OXCT1: variants seen among roughly 807,000 people sequenced by gnomAD.
OXCT1 encodes the protein succinyl-CoA:3-ketoacid coenzyme A transferase 1, mitochondrial.
Under a neutral mutation model 69.6 loss-of-function variants are expected in OXCT1, and 27 were observed. The observed-to-expected ratio is 0.39, with a 90% CI of 0.29 to 0.54. OXCT1 has a LOEUF of 0.54. Among genes scored for constraint, OXCT1 ranks in the 20% least tolerant of loss-of-function variants. The pLI is 0.72. For missense variants in OXCT1, 437 were observed against 650.2 expected (o/e 0.67, Z 3.57); for synonymous variants, 202 against 217.8 (o/e 0.93, Z 0.64).
In OXCT1 at chr5:41,776,297, C is replaced by A. The variant is rs982751417; in HGVS notation, c.1249-14097G>T. 2.6e-5 allele frequency among the ~76,000 whole-genome samples: 4 copies of A among 152,146 alleles called. No individual in the cohort carries two copies. In the East Asian group the frequency reaches 7.7e-4, roughly 29 times the overall value. On this transcript the variant is annotated intron_variant, in intron 13 of 16. Coordinates refer to ENST00000196371, the MANE Select transcript of OXCT1 (RefSeq NM_000436.4). ...ATCAGAGAAGGCTAGGGAGCTATGA[C>A]AACTAAAAGCAATGCAGTACCCTGA... is the stretch of plus-strand genomic sequence containing the variant.
intron 6 of OXCT1, 90 bp downstream of exon 6, chr5:41,842,585 C>A: frequency 1.1e-6 from 1 of 944,076 alleles, no homozygotes; most frequent in Middle Eastern, 2.1e-4. Context: ...TGGGCCATTA[C>A]GAAAATACAT....
chr5:41,849,936 A>C, intron 5 of OXCT1, 94 bp downstream of exon 5: 5 of 1,255,656 alleles, frequency 4.0e-6, no homozygotes, highest in Non-Finnish European at 5.9e-6. Context: ...TTTCTCACAT[A>C]GAGGTGATTT....
intron 13 of OXCT1, among the ~76,000 whole-genome samples, chr5:41,785,412 T>C (rs1001256047): frequency 7.9e-5 from 12 of 152,226 alleles, no homozygotes; most frequent in African/African-American, 2.9e-4. Context: ...TGAGCTTGAA[T>C]TGGCAAATAT....
chr5:41,800,819 CA>C (rs1361895173), intron 11 of OXCT1, among the ~76,000 whole-genome samples: 1 of 152,074 alleles, frequency 6.6e-6, no homozygotes, highest in Non-Finnish European at 1.5e-5. Context: ...AAAGCTCTTC[CA>C]TTAAATGTGC....
intron 14 of OXCT1, among the ~76,000 whole-genome samples, chr5:41,752,744 CAAACAAACAAACAA>C (rs1192775779): frequency 6.6e-6 from 1 of 151,922 alleles, no homozygotes; most frequent in Admixed American, 6.6e-5. Context: ...GAACTGGTCT[CAAACAAACAAACAA>C]AAACAAACAA....
intron 14 of OXCT1, among the ~76,000 whole-genome samples, chr5:41,760,780 C>G (rs1232314950): frequency 1.3e-5 from 2 of 152,104 alleles, no homozygotes; most frequent in Non-Finnish European, 2.9e-5. Context: ...GTCACCTGTG[C>G]TGGTACCATT....
intron 1 of OXCT1, among the ~76,000 whole-genome samples, chr5:41,869,179 C>T (rs1330437800): frequency 6.6e-6 from 1 of 152,190 alleles, no homozygotes; most frequent in African/African-American, 2.4e-5. Flanking sequence ...CTGAACCATT[C>T]CCTAGCACCT....
intron 16 of OXCT1, among the ~76,000 whole-genome samples, chr5:41,733,502 C>A (rs1392348487): frequency 2.6e-5 from 4 of 152,214 alleles, no homozygotes; most frequent in South Asian, 2.1e-4. Flanking sequence ...CTGCCTCAGC[C>A]TCCCAAAGTG....
intron 6 of OXCT1, among the ~76,000 whole-genome samples, chr5:41,840,742 G>A (rs1374547596): frequency 6.6e-6 from 1 of 151,978 alleles, no homozygotes; most frequent in East Asian, 1.9e-4. Flanking sequence ...CAGGATTGAG[G>A]GAAAGAGGAA....
At chr5:41,860,630 G>A (rs1314394237) in intron 3 of OXCT1, among the ~76,000 whole-genome samples, 2 of 152,146 alleles carry the variant, frequency 1.3e-5, no homozygotes, top group African/African-American at 4.8e-5. Flanking sequence ...CCAATTGGGT[G>A]ATTAAAAATG....
At position 41,762,220 on chromosome 5, in the gene OXCT1, T is replaced by C; in HGVS notation, c.1249-20A>G. ...CTTCCCCTGCAAAACAAAAAATAAA[T>C]AGCTCTGTATCTTTCACTTCTTTTG... On this transcript the variant is annotated intron_variant, in intron 13 of 16. Coordinates refer to ENST00000196371, the MANE Select transcript of OXCT1 (RefSeq NM_000436.4). The surrounding 1 kb of genome is among the most constrained non-coding windows in gnomAD (Gnocchi z 4.0). The C allele has an allele frequency of 6.5e-7, 1 of 1,546,342 alleles. No individual in the cohort carries two copies. The highest frequency in any genetic ancestry group is 1.4e-5 in the African/African-American group (1 of 73,674).
intron 7 of OXCT1, among the ~76,000 whole-genome samples, chr5:41,827,841 G>C (rs940281442): frequency 3.9e-5 from 6 of 152,186 alleles, no homozygotes; most frequent in African/African-American, 1.4e-4. Context: ...GAAAAAAAGA[G>C]TAATCAGCCT....
chr5:41,848,915 A>G (rs1042700835), intron 5 of OXCT1, among the ~76,000 whole-genome samples: 2 of 152,248 alleles, frequency 1.3e-5, no homozygotes, highest in Non-Finnish European at 2.9e-5. Context: ...AATGGCAACA[A>G]AAGCCAAAAT....
intron 13 of OXCT1, among the ~76,000 whole-genome samples, chr5:41,780,640 A>G (rs1170885134): frequency 1.3e-5 from 2 of 152,220 alleles, no homozygotes; most frequent in East Asian, 3.8e-4. Flanking sequence ...TAAAATGAAT[A>G]GGTATAAGAA....
At chr5:41,770,146 A>G (rs945249083) in intron 13 of OXCT1, among the ~76,000 whole-genome samples, 2 of 152,226 alleles carry the variant, frequency 1.3e-5, no homozygotes, top group African/African-American at 4.8e-5. Flanking sequence ...TGTTTTCACT[A>G]TGTATTTAAG....
At chr5:41,817,449 T>C (rs1474956840) in intron 7 of OXCT1, among the ~76,000 whole-genome samples, 3 of 152,214 alleles carry the variant, frequency 2.0e-5, no homozygotes, top group Admixed American at 6.5e-5. Context: ...TCCTAGACAT[T>C]CTATTACAAG....
chr5:41,734,403 T>G (rs1012149842), intron 16 of OXCT1, among the ~76,000 whole-genome samples: 1 of 152,220 alleles, frequency 6.6e-6, no homozygotes, highest in African/African-American at 2.4e-5. Flanking sequence ...AGCTTAAGCA[T>G]TCATCAGAAA....
intron 13 of OXCT1, among the ~76,000 whole-genome samples, chr5:41,783,136 G>C (rs1182213423): frequency 6.6e-6 from 1 of 152,178 alleles, no homozygotes; most frequent in Non-Finnish European, 1.5e-5. Context: ...TGAGGAAAAG[G>C]GAAGTTGAGT....
chr5:41,765,322 T>G (rs1744544832), intron 13 of OXCT1, among the ~76,000 whole-genome samples: 1 of 152,174 alleles, frequency 6.6e-6, no homozygotes, highest in African/African-American at 2.4e-5. Context: ...TTTTTTCACG[T>G]TCTGCAATCT....
Sources: gnomAD v4.1 joint callset for allele counts (sites outside exome capture counted in the v4.1 genomes callset) on GRCh38, gnomAD v4.1.1 for gene constraint, Gnocchi (gnomAD v3.1) non-coding constraint, MANE v1.5 for transcripts, NCBI Gene and HGNC (gene_info 2026-07-23, HGNC 2026-07-21) for gene names.